Variants in SLC35F3 observed in about 807,000 individuals in gnomAD.
The protein encoded by SLC35F3 is solute carrier family 35 member F3.
In SLC35F3, 25 loss-of-function variants were observed where a neutral mutation model predicts 49.9. The ratio of observed to expected loss-of-function variants is 0.50; its 90% confidence interval spans 0.37 to 0.70. The LOEUF is 0.70. Ranked by LOEUF, SLC35F3 falls within the 30% of genes least tolerant of loss-of-function variation. SLC35F3 has a pLI of 0.00. For missense variants in SLC35F3, 525 were observed against 639.8 expected (o/e 0.82, Z 1.94); for synonymous variants, 275 against 265.4 (o/e 1.04, Z -0.35).
intron 3 of SLC35F3, among the ~76,000 whole-genome samples, chr1:234,246,089 C>T (rs897951052): frequency 6.6e-6 from 1 of 152,188 alleles, no homozygotes; most frequent in African/African-American, 2.4e-5. Context: ...TTATCTTCCA[C>T]AGCATCTGAA....
intron 2 of SLC35F3, among the ~76,000 whole-genome samples, chr1:234,026,001 T>C (rs56264227): frequency 0.048 from 7,242 of 152,332 alleles, 242 homozygotes; most frequent in Non-Finnish European, 0.07. Flanking sequence ...AGTGGTCCAC[T>C]TTCATTCTTT....
chr1:233,932,270 G>T (rs530839171), intron 2 of SLC35F3, among the ~76,000 whole-genome samples: 2 of 150,354 alleles, frequency 1.3e-5, no homozygotes, highest in South Asian at 2.2e-4. Context: ...CATTCTGTAC[G>T]TGTACCCCAG....
chr1:234,315,569 T>C (rs1657469165), intron 4 of SLC35F3, among the ~76,000 whole-genome samples: 2 of 152,224 alleles, frequency 1.3e-5, no homozygotes, highest in Non-Finnish European at 2.9e-5. Context: ...TGATAATATC[T>C]ACTGTGAGGA....
rs1665586110 is a variant in SLC35F3 at position 234,122,098 on chromosome 1, G to C, written c.284-109319G>C. On this transcript the variant is annotated intron_variant, in intron 2 of 7. Transcript: ENST00000366618. The stretch of plus-strand genomic sequence containing the variant: ...GTATGTACCCAGCAATGGGATCGCT[G>C]GGTCAAATGGTATTTCTAGTTCTAG... 5.9e-5 allele frequency among the ~76,000 whole-genome samples: 9 copies of C among 152,304 alleles called. 1 individual carries two copies. The highest frequency in any genetic ancestry group is 3.4e-3 in the Middle Eastern group (1 of 294).
intron 2 of SLC35F3, among the ~76,000 whole-genome samples, chr1:233,923,598 G>A (rs1289123245): frequency 4.6e-5 from 7 of 152,036 alleles, no homozygotes; most frequent in South Asian, 2.1e-4. Flanking sequence ...TGCAAACAGG[G>A]ACAATTTGAC....
intron 1 of SLC35F3, 98 bp from the exon 2 acceptor site, chr1:233,905,431 C>A: frequency 1.0e-6 from 1 of 955,848 alleles, no homozygotes; most frequent in Non-Finnish European, 1.5e-6. Flanking sequence ...CCCGGCCGCG[C>A]TCTTGCTCTC....
chr1:234,108,134 G>C (rs996818037), intron 2 of SLC35F3, among the ~76,000 whole-genome samples: 1 of 147,972 alleles, frequency 6.8e-6, no homozygotes, highest in Non-Finnish European at 1.5e-5. Flanking sequence ...TAAAAATATA[G>C]TGACCAACCT....
chr1:234,198,796 T>C (rs1666853178), intron 2 of SLC35F3, among the ~76,000 whole-genome samples: 1 of 152,206 alleles, frequency 6.6e-6, no homozygotes, highest in South Asian at 2.1e-4. Flanking sequence ...AATTTTGAAA[T>C]ATATAATACA....
intron 2 of SLC35F3, among the ~76,000 whole-genome samples, chr1:233,998,048 A>G (rs10797513): frequency 0.12 from 18,372 of 152,132 alleles, 1,738 homozygotes; most frequent in East Asian, 0.42. Flanking sequence ...CACCGCGCCC[A>G]GCCCGTATTT....
chr1:234,245,508 T>G (rs1040319543), intron 3 of SLC35F3, among the ~76,000 whole-genome samples: 1 of 152,260 alleles, frequency 6.6e-6, no homozygotes, highest in Admixed American at 6.5e-5. Flanking sequence ...CTTCCTGCTA[T>G]GGGATTTGAG....
chr1:234,102,586 C>T (rs775249855), intron 2 of SLC35F3, among the ~76,000 whole-genome samples: 3 of 152,154 alleles, frequency 2.0e-5, no homozygotes, highest in Admixed American at 6.5e-5. Flanking sequence ...TAAGCCTTGG[C>T]GTGTTTCATT....
At chr1:234,062,928 A>G (rs1664565986) in intron 2 of SLC35F3, among the ~76,000 whole-genome samples, 1 of 148,924 alleles carries the variant, frequency 6.7e-6, no homozygotes, top group South Asian at 2.1e-4. Flanking sequence ...TGACCTTGTG[A>G]TCCGCCCGCC....
chr1:234,037,016 T>C (rs562358975), intron 2 of SLC35F3, among the ~76,000 whole-genome samples: 1 of 152,328 alleles, frequency 6.6e-6, no homozygotes, highest in East Asian at 1.9e-4. Context: ...ACTTCACAAA[T>C]ATTTATAGTA....
At chr1:233,954,037 C>G (rs928679713) in intron 2 of SLC35F3, among the ~76,000 whole-genome samples, 1 of 148,802 alleles carries the variant, frequency 6.7e-6, no homozygotes, top group Non-Finnish European at 1.5e-5. Flanking sequence ...GACGGAGTCT[C>G]GCTCTGTCAT....
intron 3 of SLC35F3, among the ~76,000 whole-genome samples, chr1:234,236,465 G>T (rs1233396502): frequency 6.6e-6 from 1 of 152,040 alleles, no homozygotes; most frequent in African/African-American, 2.4e-5. Context: ...AAGTTAGCCA[G>T]AAACAATTTA....
chr1:233,932,259 A>G (rs1321096491), intron 2 of SLC35F3, among the ~76,000 whole-genome samples: 1 of 151,826 alleles, frequency 6.6e-6, no homozygotes, highest in Admixed American at 6.6e-5. Context: ...ACAAAACCAC[A>G]CATTCTGTAC....
At chr1:234,288,204 T>G (rs924176157) in intron 3 of SLC35F3, among the ~76,000 whole-genome samples, 3 of 152,150 alleles carry the variant, frequency 2.0e-5, no homozygotes, top group Non-Finnish European at 4.4e-5. Flanking sequence ...AAAATCTTTA[T>G]GTAACCCAAA....
intron 2 of SLC35F3, among the ~76,000 whole-genome samples, chr1:234,125,963 T>C (rs1449579975): frequency 6.6e-6 from 1 of 152,226 alleles, no homozygotes; most frequent in African/African-American, 2.4e-5. Context: ...GCACTAGCTC[T>C]GCAATCCTGA....
At chr1:233,946,478 A>G (rs1432244933) in intron 2 of SLC35F3, among the ~76,000 whole-genome samples, 2 of 152,260 alleles carry the variant, frequency 1.3e-5, no homozygotes, top group Admixed American at 6.5e-5. Context: ...TATACTTGTG[A>G]ACAGTTGCAA....
Sources: gnomAD v4.1 joint callset for allele counts (sites outside exome capture counted in the v4.1 genomes callset) on GRCh38, gnomAD v4.1.1 for gene constraint, MANE v1.5 for transcripts, NCBI Gene and HGNC (gene_info 2026-07-23, HGNC 2026-07-21) for gene names.